Variants in GPR158 observed in about 807,000 individuals in gnomAD.
The protein encoded by GPR158 is G protein-coupled receptor 158.
A neutral mutation model predicts 78.2 loss-of-function variants in GPR158; 30 were observed. The ratio of observed to expected loss-of-function variants is 0.38; its 90% CI spans 0.29 to 0.52. The LOEUF is 0.52. Ranked by LOEUF, GPR158 falls within the 20% of genes least tolerant of loss-of-function variation. GPR158 has a pLI of 0.83. For synonymous variants in GPR158, 581 were observed against 591.1 expected (o/e 0.98, Z 0.25); for missense variants, 1,463 against 1,523.5 (o/e 0.96, Z 0.66).
At chr10:25,586,129 T>C (rs1588924584) in intron 7 of GPR158, among the ~76,000 whole-genome samples, 2 of 152,274 alleles carry the variant, frequency 1.3e-5, no homozygotes, top group South Asian at 4.1e-4. Flanking sequence ...AATGCCGGGA[T>C]AACAGGATTT....
chr10:25,504,191 C>G (rs1835980900), intron 5 of GPR158, among the ~76,000 whole-genome samples: 1 of 152,090 alleles, frequency 6.6e-6, no homozygotes, highest in Non-Finnish European at 1.5e-5. Flanking sequence ...ACACCTGGCC[C>G]TATTTTACTA....
At chr10:25,451,796 A>G (rs1835220917) in intron 4 of GPR158, among the ~76,000 whole-genome samples, 1 of 152,216 alleles carries the variant, frequency 6.6e-6, no homozygotes, top group East Asian at 1.9e-4. Flanking sequence ...AGCTGGTACA[A>G]AAATGCAGCT....
chr10:25,210,979 A>G (rs1588736821), intron 1 of GPR158, among the ~76,000 whole-genome samples: 1 of 151,972 alleles, frequency 6.6e-6, no homozygotes, highest in Admixed American at 6.6e-5. Context: ...TAAAAATACA[A>G]AAAATAGCGG....
chr10:25,304,184 G>A (rs767364421), intron 2 of GPR158, among the ~76,000 whole-genome samples: 3 of 151,842 alleles, frequency 2.0e-5, no homozygotes, highest in Non-Finnish European at 4.4e-5. Flanking sequence ...GTGGCAGACA[G>A]AGCTTGGGTT....
In GPR158 at chr10:25,412,256, G is replaced by T. The variant is rs201384860; in HGVS notation, c.1118G>T (p.Gly373Val). The T allele has an allele frequency of 6.2e-6, 10 of 1,612,632 alleles. No homozygotes were observed. In the East Asian group the frequency reaches 2.2e-4, roughly 36 times the overall value. ...TTTTATTTGGAACTTTCAGGAAGGG[G>T]TCCGGATCAGCATATTTCAGGAAGT... ...VLPVNNFRRR[G>V]PDQHISGSTK... Residue 373 changes from glycine (G) to valine (V), a missense_variant, in exon 4 of 11, where the codon GGT becomes GTT. Physicochemically the swap from Gly to Val is moderately radical, Grantham distance 109 (BLOSUM62 -3). Transcript: ENST00000376351.
intron 2 of GPR158, among the ~76,000 whole-genome samples, chr10:25,247,207 G>A (rs1020338092): frequency 1.3e-5 from 2 of 151,760 alleles, no homozygotes; most frequent in African/African-American, 2.4e-5. Context: ...AATTGATGTT[G>A]TGTCAACTAT....
intron 9 of GPR158, among the ~76,000 whole-genome samples, chr10:25,596,226 C>T (rs761105928): frequency 6.6e-6 from 1 of 151,990 alleles, no homozygotes; most frequent in Non-Finnish European, 1.5e-5. Flanking sequence ...GGTGGTGTAA[C>T]CAGTGGCGTA....
At chr10:25,544,268 A>G (rs1836629114) in intron 5 of GPR158, among the ~76,000 whole-genome samples, 1 of 148,372 alleles carries the variant, frequency 6.7e-6, no homozygotes, top group African/African-American at 2.5e-5. Flanking sequence ...TAGTATCAGA[A>G]AGAGAATCAG....
intron 2 of GPR158, among the ~76,000 whole-genome samples, chr10:25,241,365 T>TC (rs1853622426): frequency 7.9e-6 from 1 of 126,522 alleles, no homozygotes; most frequent in African/African-American, 3.6e-5. Context: ...CTTTTCTCTT[T>TC]TCTTTTCTCT....
At chr10:25,405,231 T>G (rs1044211735) in intron 3 of GPR158, among the ~76,000 whole-genome samples, 6 of 151,812 alleles carry the variant, frequency 4.0e-5, no homozygotes, top group Non-Finnish European at 7.4e-5. Flanking sequence ...AAGTCCAATT[T>G]AGAAATAACA....
intron 2 of GPR158, among the ~76,000 whole-genome samples, chr10:25,331,504 G>A (rs1855121595): frequency 6.6e-6 from 1 of 152,200 alleles, no homozygotes; most frequent in African/African-American, 2.4e-5. Flanking sequence ...TAGAGGTGAA[G>A]ATGAACAAGG....
intron 5 of GPR158, among the ~76,000 whole-genome samples, chr10:25,516,632 T>C (rs1345900190): frequency 8.2e-6 from 1 of 122,122 alleles, no homozygotes; most frequent in African/African-American, 3.4e-5. Flanking sequence ...TAGGGAATCC[T>C]TTCCCCATTG....
chr10:25,218,903 T>C (rs187179911), intron 1 of GPR158, among the ~76,000 whole-genome samples: 1 of 152,330 alleles, frequency 6.6e-6, no homozygotes. Flanking sequence ...TTTTACCTAT[T>C]TCTCTATCCC....
At chr10:25,570,496 G>T (rs879435764) in intron 6 of GPR158, among the ~76,000 whole-genome samples, 1 of 152,106 alleles carries the variant, frequency 6.6e-6, no homozygotes, top group Non-Finnish European at 1.5e-5. Flanking sequence ...TCTGAGTGTC[G>T]AATTTTTCTA....
At position 25,391,384 on chromosome 10, in the gene GPR158, G is replaced by A. The variant is rs190105118; in HGVS notation, c.1009-4527G>A. 7.2e-5 allele frequency among the ~76,000 whole-genome samples: 11 copies of A among 152,316 alleles called. No individual in the cohort carries two copies. In the East Asian group the frequency reaches 1.9e-3, roughly 27 times the overall value. ...CAACACTAGCCCATGAAAGCAGCCA[G>A]GAGGTGGACTTTACCCTGCAAAGCC... is the stretch of plus-strand genomic sequence containing the variant. On this transcript the variant is annotated intron_variant, in intron 2 of 10. Transcript: ENST00000376351.
intron 2 of GPR158, among the ~76,000 whole-genome samples, chr10:25,241,424 T>C (rs140796224): frequency 0.019 from 2,274 of 117,900 alleles, 220 homozygotes; most frequent in African/African-American, 0.087. Flanking sequence ...TTCTTTTCTT[T>C]TCTTTTCTTT....
chr10:25,332,250 T>C (rs917434272), intron 2 of GPR158, among the ~76,000 whole-genome samples: 1 of 152,194 alleles, frequency 6.6e-6, no homozygotes, highest in African/African-American at 2.4e-5. Context: ...GTTGGCTAGA[T>C]AGTGCTATGA....
At chr10:25,394,584 C>T (rs551480977) in intron 2 of GPR158, among the ~76,000 whole-genome samples, 53 of 152,234 alleles carry the variant, frequency 3.5e-4, no homozygotes, top group African/African-American at 1.2e-3. Flanking sequence ...GACTGGTACT[C>T]TTGCTATTTT....
chr10:25,540,588 T>A (rs1322699420), intron 5 of GPR158, among the ~76,000 whole-genome samples: 1 of 151,880 alleles, frequency 6.6e-6, no homozygotes, highest in Non-Finnish European at 1.5e-5. Context: ...GTGGCACATA[T>A]ACACCATGGA....
Sources: gnomAD v4.1 joint callset for allele counts (sites outside exome capture counted in the v4.1 genomes callset) on GRCh38, gnomAD v4.1.1 for gene constraint, MANE v1.5 for transcripts, NCBI Gene and HGNC (gene_info 2026-07-23, HGNC 2026-07-21) for gene names.